The following GPR158 variants were observed in gnomAD, a reference collection of about 807,000 sequenced individuals.
GPR158 encodes the protein metabotropic glycine receptor.
GPR158 carries 30 observed loss-of-function variants against 78.2 expected under a neutral mutation model. That is an observed-to-expected ratio of 0.38 (90% confidence interval 0.29 to 0.52). The LOEUF (loss-of-function observed/expected upper bound fraction) is 0.52, where lower values mean the gene tolerates loss of function less well. Among genes scored for constraint, GPR158 ranks in the 20% least tolerant of loss-of-function variants. GPR158 has a pLI of 0.83. For synonymous variants in GPR158, 581 were observed against 591.1 expected (o/e 0.98, Z 0.25); for missense variants, 1,463 against 1,523.5 (o/e 0.96, Z 0.66).
At chr10:25,364,551 G>GT (rs1855691680) in intron 2 of GPR158, among the ~76,000 whole-genome samples, 1 of 151,794 alleles carries the variant, frequency 6.6e-6, no homozygotes, top group Non-Finnish European at 1.5e-5. Context: ...ACTCTTTAAT[G>GT]CTAATGCTGA....
intron 5 of GPR158, among the ~76,000 whole-genome samples, chr10:25,495,536 C>T (rs1437994120): frequency 6.6e-6 from 1 of 152,000 alleles, no homozygotes; most frequent in Non-Finnish European, 1.5e-5. Flanking sequence ...TCGTGATCCA[C>T]CCACTTCAGC....
intron 2 of GPR158, among the ~76,000 whole-genome samples, chr10:25,232,820 T>G (rs569115001): frequency 6.6e-6 from 1 of 152,332 alleles, no homozygotes; most frequent in South Asian, 2.1e-4. Context: ...TTCTTTTAGC[T>G]TATTCATAGT....
chr10:25,286,164 G>A (rs1315574791), intron 2 of GPR158, among the ~76,000 whole-genome samples: 1 of 151,512 alleles, frequency 6.6e-6, no homozygotes, highest in Non-Finnish European at 1.5e-5. Context: ...TTTTACTTGG[G>A]GTTATCTGAG....
intron 2 of GPR158, among the ~76,000 whole-genome samples, chr10:25,259,852 G>C (rs1247800213): frequency 1.3e-5 from 2 of 151,860 alleles, no homozygotes; most frequent in Non-Finnish European, 1.5e-5. Flanking sequence ...ATGATAAATA[G>C]TATGTTCTTA....
chr10:25,450,394 TTTTTTA>T (rs199658037), intron 4 of GPR158, among the ~76,000 whole-genome samples: 28,337 of 66,298 alleles, frequency 0.43, 4,264 homozygotes, highest in East Asian at 0.77. Context: ...TTTTTTTTTT[TTTTTTA>T]AACCTTAAAT....
intron 2 of GPR158, among the ~76,000 whole-genome samples, chr10:25,281,306 G>A (rs1854269757): frequency 6.7e-6 from 1 of 150,358 alleles, no homozygotes; most frequent in South Asian, 2.1e-4. Flanking sequence ...GCTCACACCT[G>A]TAATCGCAGC....
chr10:25,176,378 T>C lies in GPR158; in HGVS notation c.902+56T>C, dbSNP rs1255630069. 2 of 1,354,662 alleles carry C rather than the reference T, an allele frequency of 1.5e-6. No individual in the cohort carries two copies. The highest frequency in any genetic ancestry group is 4.7e-5 in the East Asian group (2 of 42,872). 83.9% of individuals were successfully genotyped at this position (1,354,662 alleles called of 1,614,324 possible). A position where few individuals can be genotyped will look rare whatever the true frequency, so the allele number is the denominator to read the frequency against. On this transcript the variant is annotated intron_variant, in intron 1 of 10. Coordinates refer to ENST00000376351, the MANE Select transcript of GPR158 (RefSeq NM_020752.3). This position sits in a 1 kb window ranked among gnomAD's most constrained non-coding sequence, Gnocchi z 6.3. ...CAAAAGCGAAGCTTTCCTTCCGGTC[T>C]TGTGGGTGGGTGCACGTGTGAGGAA...
chr10:25,404,735 C>A (rs1233327634), intron 3 of GPR158, among the ~76,000 whole-genome samples: 1 of 152,066 alleles, frequency 6.6e-6, no homozygotes, highest in Non-Finnish European at 1.5e-5. Context: ...CTCACAGTTT[C>A]TTTTCACATA....
At chr10:25,513,813 G>A (rs771061928) in intron 5 of GPR158, among the ~76,000 whole-genome samples, 1 of 152,160 alleles carries the variant, frequency 6.6e-6, no homozygotes, top group East Asian at 1.9e-4. Context: ...TAATTTCTAT[G>A]TATTTGCATG....
chr10:25,520,645 A>G (rs1454249833), intron 5 of GPR158, among the ~76,000 whole-genome samples: 4 of 151,364 alleles, frequency 2.6e-5, no homozygotes, highest in Non-Finnish European at 4.4e-5. Context: ...GTGAGGTGTC[A>G]GTGTGCCCCT....
intron 2 of GPR158, among the ~76,000 whole-genome samples, chr10:25,267,425 A>G (rs1227853814): frequency 1.3e-5 from 2 of 152,158 alleles, no homozygotes; most frequent in Admixed American, 6.6e-5. Context: ...GGATGGGGGA[A>G]ACTGCCCCCA....
At chr10:25,265,592 G>A (rs1854035357) in intron 2 of GPR158, among the ~76,000 whole-genome samples, 1 of 152,172 alleles carries the variant, frequency 6.6e-6, no homozygotes, top group Admixed American at 6.6e-5. Context: ...AAGAATGGGA[G>A]ACATGGCATT....
At chr10:25,392,542 A>G (rs928816660) in intron 2 of GPR158, among the ~76,000 whole-genome samples, 6 of 152,184 alleles carry the variant, frequency 3.9e-5, no homozygotes, top group Admixed American at 6.5e-5. Context: ...ATTTTTATCA[A>G]TTTTTATCAA....
chr10:25,555,608 A>G (rs1383828100), intron 6 of GPR158, among the ~76,000 whole-genome samples: 1 of 152,206 alleles, frequency 6.6e-6, no homozygotes, highest in African/African-American at 2.4e-5. Flanking sequence ...TTCAGGAGGC[A>G]GAGTGAGCAA....
At chr10:25,178,619 G>A (rs754135772) in intron 1 of GPR158, among the ~76,000 whole-genome samples, 1 of 152,194 alleles carries the variant, frequency 6.6e-6, no homozygotes, top group East Asian at 1.9e-4. Flanking sequence ...CTTCAGCCAA[G>A]GCACACAGCC....
chr10:25,374,064 G>A (rs1329263), intron 2 of GPR158, among the ~76,000 whole-genome samples: 97,673 of 151,192 alleles, frequency 0.65, 32,484 homozygotes, highest in Non-Finnish European at 0.73. Context: ...CTCTTTTTAG[G>A]TTTCTGTTAG....
At chr10:25,357,963 G>C (rs778296313) in intron 2 of GPR158, among the ~76,000 whole-genome samples, 4 of 152,110 alleles carry the variant, frequency 2.6e-5, no homozygotes, top group Non-Finnish European at 1.5e-5. Flanking sequence ...CAAAACCATA[G>C]GGGTGGAGCT....
At chr10:25,430,509 T>G (rs994924784) in intron 4 of GPR158, among the ~76,000 whole-genome samples, 1 of 148,644 alleles carries the variant, frequency 6.7e-6, no homozygotes, top group African/African-American at 2.5e-5. Flanking sequence ...TGGAAAAAAC[T>G]ACTTTAAAGT....
chr10:25,296,878 G>T (rs1462196270), intron 2 of GPR158, among the ~76,000 whole-genome samples: 1 of 152,150 alleles, frequency 6.6e-6, no homozygotes, highest in African/African-American at 2.4e-5. Flanking sequence ...ATAAATACTC[G>T]TTGAGTGTTG....
Sources: allele counts gnomAD v4.1 joint callset (sites outside exome capture counted in the v4.1 genomes callset), GRCh38; gene constraint gnomAD v4.1.1; non-coding constraint Gnocchi (gnomAD v3.1); transcripts MANE v1.5; gene names NCBI Gene and HGNC (gene_info 2026-07-23, HGNC 2026-07-21).